The following CDKAL1 variants were observed in gnomAD, a reference collection of about 807,000 sequenced individuals.
The protein encoded by CDKAL1 is CDKAL1 threonylcarbamoyladenosine tRNA methylthiotransferase.
In CDKAL1, 32 loss-of-function variants were observed where a neutral mutation model predicts 68.2. That is an observed-to-expected ratio of 0.47 (90% CI 0.35 to 0.63). CDKAL1 has a LOEUF of 0.63. CDKAL1 is among the 30% of genes least tolerant of loss of function. The pLI, the probability that CDKAL1 is intolerant of heterozygous loss-of-function variation, is 0.00. For missense variants in CDKAL1, 606 were observed against 696.7 expected, an observed-to-expected ratio of 0.87 and a Z score of 1.47; for synonymous variants, 234 against 244.3, an observed-to-expected ratio of 0.96 and a Z score of 0.39.
intron 12 of CDKAL1, among the ~76,000 whole-genome samples, chr6:21,073,296 GT>G (rs1419733690): frequency 1.2e-4 from 18 of 152,104 alleles, no homozygotes; most frequent in African/African-American, 4.1e-4. Flanking sequence ...CCACGTGCAG[GT>G]TTTTTTGTGG....
chr6:20,807,837 C>G (rs1401536947), intron 8 of CDKAL1, among the ~76,000 whole-genome samples: 2 of 152,180 alleles, frequency 1.3e-5, no homozygotes, highest in Non-Finnish European at 2.9e-5. Flanking sequence ...TGAGCTCAAA[C>G]TACAGCAACA....
At chr6:20,874,157 C>T (rs1014941334) in intron 9 of CDKAL1, among the ~76,000 whole-genome samples, 2 of 152,020 alleles carry the variant, frequency 1.3e-5, no homozygotes, top group African/African-American at 4.8e-5. Context: ...AAAAGCTACT[C>T]TTTGGTGCCC....
chr6:20,645,881 G>A (rs1316352239), intron 4 of CDKAL1, among the ~76,000 whole-genome samples: 1 of 151,248 alleles, frequency 6.6e-6, no homozygotes, highest in Non-Finnish European at 1.5e-5. Flanking sequence ...CCTACAAAGG[G>A]CAGGATCATC....
intron 13 of CDKAL1, among the ~76,000 whole-genome samples, chr6:21,166,689 G>C (rs1275441285): frequency 6.6e-6 from 1 of 152,128 alleles, no homozygotes; most frequent in Non-Finnish European, 1.5e-5. Context: ...GAGCATAGTA[G>C]AACATTTTGA....
chr6:21,226,778 T>C (rs1779764295), intron 15 of CDKAL1, among the ~76,000 whole-genome samples: 1 of 152,238 alleles, frequency 6.6e-6, no homozygotes, highest in Admixed American at 6.5e-5. Flanking sequence ...AGTGGCGCGA[T>C]CTCGGCTCAC....
In CDKAL1 at chr6:20,781,196, G is replaced by T; in HGVS notation, c.569G>T (p.Gly190Val). The change falls in exon 8 of 16, where the codon GGG becomes GTG. Residue 190 changes from glycine (G) to valine (V), a missense_variant. Gly to Val is a moderately radical substitution (Grantham distance 109). Transcript: ENST00000274695. Reference protein sequence around the residue: ...GQKKDNGRRLGGARLDLPKIR... With the variant: ...GQKKDNGRRLVGARLDLPKIR... ...AAAAAGGATAATGGAAGGCGGCTTG[G>T]GGGAGCACGATTGGATTTGCCGAAG... 6.2e-7 allele frequency: 1 copy of T among 1,613,876 alleles called. No individual in the cohort carries two copies. The highest frequency in any genetic ancestry group is 8.5e-7 in the Non-Finnish European group (1 of 1,179,882).
At chr6:21,008,177 C>T (rs1336929284) in intron 11 of CDKAL1, among the ~76,000 whole-genome samples, 3 of 151,940 alleles carry the variant, frequency 2.0e-5, no homozygotes, top group Non-Finnish European at 4.4e-5. Flanking sequence ...TAGGATAGAG[C>T]CCCCCTTAGG....
chr6:20,973,698 G>A (rs1481433378), intron 10 of CDKAL1, among the ~76,000 whole-genome samples: 7 of 151,854 alleles, frequency 4.6e-5, no homozygotes, highest in Non-Finnish European at 8.8e-5. Context: ...TCTGCCTCTC[G>A]GGTTCAAGTG....
chr6:21,092,790 AT>A, intron 12 of CDKAL1, among the ~76,000 whole-genome samples: 1 of 152,014 alleles, frequency 6.6e-6, no homozygotes, highest in South Asian at 2.1e-4. Context: ...AAGATATTTT[AT>A]TCATGAAATA....
intron 5 of CDKAL1, among the ~76,000 whole-genome samples, chr6:20,662,526 G>C (rs1478770928): frequency 2.0e-5 from 3 of 152,078 alleles, no homozygotes; most frequent in Non-Finnish European, 2.9e-5. Flanking sequence ...GCACTTTTGT[G>C]GGTGTTAGAG....
At chr6:20,699,005 ACT>A (rs1771226201) in intron 5 of CDKAL1, among the ~76,000 whole-genome samples, 2 of 152,048 alleles carry the variant, frequency 1.3e-5, no homozygotes, top group East Asian at 1.9e-4. Flanking sequence ...AGTTTTAAAA[ACT>A]CTCTTGTATA....
chr6:21,145,189 A>G (rs545173262), intron 13 of CDKAL1, among the ~76,000 whole-genome samples: 9 of 152,316 alleles, frequency 5.9e-5, no homozygotes, highest in Admixed American at 3.9e-4. Flanking sequence ...ACAATGTCCT[A>G]ACTGTTGAAA....
chr6:20,736,936 A>G (rs1773223101), intron 5 of CDKAL1, among the ~76,000 whole-genome samples: 1 of 152,076 alleles, frequency 6.6e-6, no homozygotes, highest in African/African-American at 2.4e-5. Flanking sequence ...CTATGTCACC[A>G]GTGTTATGTT....
At chr6:20,923,074 C>CTT (rs1763028049) in intron 9 of CDKAL1, among the ~76,000 whole-genome samples, 1 of 149,614 alleles carries the variant, frequency 6.7e-6, no homozygotes, top group Non-Finnish European at 1.5e-5. Context: ...CATATAAAGT[C>CTT]TTCTCTCTCT....
At position 21,086,433 on chromosome 6, in the gene CDKAL1, G is replaced by A. The variant is rs75369468; in HGVS notation, c.1236+21205G>A. Among the ~76,000 whole-genome samples, 1,105 of 152,210 alleles carry A rather than the reference G, an allele frequency of 7.3e-3. 19 individuals are homozygous for A. The highest frequency in any genetic ancestry group is 0.025 in the African/African-American group (1,038 of 41,528). The stretch of plus-strand genomic sequence containing the variant: ...TAAAGACAAAATTCTTTTAACTGGC[G>A]CTACAACTTAAAGACAAATTCCATG... On this transcript the variant is annotated intron_variant, in intron 12 of 15. Coordinates refer to ENST00000274695, the MANE Select transcript of CDKAL1 (RefSeq NM_017774.3).
chr6:20,897,852 T>C (rs1181944476), intron 9 of CDKAL1, among the ~76,000 whole-genome samples: 4 of 152,134 alleles, frequency 2.6e-5, no homozygotes, highest in Non-Finnish European at 5.9e-5. Flanking sequence ...ATAAAATAAT[T>C]AAAAGTACAT....
chr6:20,662,233 C>G (rs1769317457), intron 5 of CDKAL1, among the ~76,000 whole-genome samples: 1 of 151,938 alleles, frequency 6.6e-6, no homozygotes, highest in Non-Finnish European at 1.5e-5. Flanking sequence ...GACATGTTAC[C>G]AAAGTATTAA....
At position 21,061,110 on chromosome 6, in the gene CDKAL1, T is replaced by C. The variant is rs991139204; in HGVS notation, c.1056-3938T>C. ...GGTGAAATAATTAACTTTTAAAATA[T>C]TTATGGCTTTCTTAAATTACAGGCT... On this transcript the variant is annotated intron_variant, in intron 11 of 15. Coordinates refer to ENST00000274695, the MANE Select transcript of CDKAL1 (RefSeq NM_017774.3). Among the ~76,000 whole-genome samples the C allele has an allele frequency of 2.6e-5, 4 of 152,164 alleles. No individual in the cohort carries two copies. In the East Asian group the frequency reaches 7.7e-4, roughly 29 times the overall value.
In CDKAL1 at chr6:20,662,252, C is replaced by T. The variant is rs115853232; in HGVS notation, c.371+12875C>T. 5.7e-3 allele frequency among the ~76,000 whole-genome samples: 864 copies of T among 152,090 alleles called. 12 individuals are homozygous for T. Among genetic ancestry groups the T allele is most frequent in the African/African-American group, 0.02 (816 of 41,492 alleles). On this transcript the variant is annotated intron_variant, in intron 5 of 15. Coordinates refer to ENST00000274695, the MANE Select transcript of CDKAL1 (RefSeq NM_017774.3). ...TGTTACCAAAGTATTAAATATTAACCCTTTTTATTTCTTACTTATGGTTAC... is the reference window on the plus strand; with the variant it reads ...TGTTACCAAAGTATTAAATATTAACTCTTTTTATTTCTTACTTATGGTTAC...
Sources: allele counts gnomAD v4.1 joint callset (sites outside exome capture counted in the v4.1 genomes callset), GRCh38; gene constraint gnomAD v4.1.1; transcripts MANE v1.5; gene names NCBI Gene and HGNC (gene_info 2026-07-23, HGNC 2026-07-21).